The following RPH3AL variants were observed in gnomAD, a reference collection of about 807,000 sequenced individuals.
RPH3AL encodes the protein rabphilin 3A like (without C2 domains), also known as rab effector Noc2.
RPH3AL carries 38 observed loss-of-function variants against 43.1 expected under a neutral mutation model. The ratio of observed to expected loss-of-function variants is 0.88; its 90% CI spans 0.68 to 1.15. RPH3AL has a LOEUF of 1.15. Ranked by LOEUF, RPH3AL falls within the 50% of genes most tolerant of loss-of-function variation. The pLI is 0.00. For missense variants in RPH3AL, 462 were observed against 423.2 expected (o/e 1.09, Z -0.81); for synonymous variants, 189 against 176.3 (o/e 1.07, Z -0.57).
intron 5 of RPH3AL, among the ~76,000 whole-genome samples, chr17:315,658 ACCTCCACTGACCTGTAGTCCCTGT>A (rs2044029466): frequency 6.7e-6 from 1 of 148,428 alleles, no homozygotes; most frequent in Non-Finnish European, 1.5e-5. Context: ...CCTGTGCTCC[ACCTCCACTGACCTGTAGTCCCTGT>A]GACCCCACCT....
At chr17:253,781 G>A (rs1555543641) in intron 6 of RPH3AL, among the ~76,000 whole-genome samples, 9 of 104,378 alleles carry the variant, frequency 8.6e-5, no homozygotes, top group Non-Finnish European at 1.4e-4. Context: ...GGAGCCGCAC[G>A]GCGTCTGTCC....
At chr17:310,888 G>C (rs375401755) in intron 5 of RPH3AL, among the ~76,000 whole-genome samples, 1 of 152,128 alleles carries the variant, frequency 6.6e-6, no homozygotes, top group Non-Finnish European at 1.5e-5. Flanking sequence ...CCAGCGACTC[G>C]GGTTCTAGGC....
At chr17:320,881 C>A (rs1011914228) in intron 4 of RPH3AL, among the ~76,000 whole-genome samples, 1 of 152,242 alleles carries the variant, frequency 6.6e-6, no homozygotes, top group Non-Finnish European at 1.5e-5. Context: ...AGGCGGGGAG[C>A]GGCTCCTGCT....
At chr17:267,569 C>A (rs1211737562) in intron 6 of RPH3AL, among the ~76,000 whole-genome samples, 1 of 152,206 alleles carries the variant, frequency 6.6e-6, no homozygotes, top group African/African-American at 2.4e-5. Flanking sequence ...TGGGCTGACC[C>A]CAATCGGCAG....
rs953560623 is a variant in RPH3AL, at chr17:246,578, G to A, written c.613+533C>T. On this transcript the variant is annotated intron_variant, in intron 7 of 9. Coordinates refer to ENST00000331302, the MANE Select transcript of RPH3AL (RefSeq NM_006987.4). This position sits in a 1 kb window ranked among gnomAD's most constrained non-coding sequence, Gnocchi z 4.8. Reference sequence around the variant, plus strand: ...TGCGGAGAACGGTCCACAACCAGGCGCCCCCATCGTTGCCAAGTGGGGCGG... The same window carrying A: ...TGCGGAGAACGGTCCACAACCAGGCACCCCCATCGTTGCCAAGTGGGGCGG... Among the ~76,000 whole-genome samples, 4 of 151,880 alleles carry A rather than the reference G, an allele frequency of 2.6e-5. No homozygotes were observed. Among genetic ancestry groups the A allele is most frequent in the African/African-American group, 7.3e-5 (3 of 41,350 alleles).
chr17:271,157 C>T (rs772363560), intron 6 of RPH3AL, among the ~76,000 whole-genome samples: 1 of 152,166 alleles, frequency 6.6e-6, no homozygotes, highest in Non-Finnish European at 1.5e-5. Flanking sequence ...GTACCAGTAC[C>T]ATGCTGTTTT....
rs1426090409 is a variant in RPH3AL at position 327,566 on chromosome 17, G to A, written c.-23C>T. The stretch of plus-strand genomic sequence containing the variant: ...CATGGCTCGGAGCACCCGGCTGGGG[G>A]TGGGGAGTCACATCTGAGATGAAGG... On this transcript the variant is annotated 5_prime_UTR_variant, in exon 3 of 10. Transcript: ENST00000331302. 6.2e-7 allele frequency: 1 copy of A among 1,611,498 alleles called. No homozygotes were observed. Among genetic ancestry groups the A allele is most frequent in the South Asian group, 1.1e-5 (1 of 91,042 alleles).
At chr17:243,873 C>G (rs1032764087) in intron 7 of RPH3AL, among the ~76,000 whole-genome samples, 24 of 150,018 alleles carry the variant, frequency 1.6e-4, no homozygotes, top group Non-Finnish European at 2.7e-4. Context: ...ACTGATTACA[C>G]TTCCTCTACT....
chr17:236,033 T>TAC lies in RPH3AL; in HGVS notation c.613+11076_613+11077dup, dbSNP rs1567571984. ...AAAGCTGGGGTCGGCGGTGGCTCCG[T>TAC]ACTAACAAGACGGGGGTCCCAGGTT... On this transcript the variant is annotated intron_variant, in intron 7 of 9. Transcript: ENST00000331302. Among the ~76,000 whole-genome samples, 177 of 113,376 alleles carry TAC rather than the reference T, an allele frequency of 1.6e-3. 1 individual carries two copies. Among genetic ancestry groups the TAC allele is most frequent in the Middle Eastern group, 4.8e-3 (1 of 210 alleles). The allele number at this position is 113,376 out of a possible 152,430, so 74.4% of individuals were successfully genotyped here.
intron 7 of RPH3AL, among the ~76,000 whole-genome samples, chr17:227,880 A>C (rs1389468509): frequency 1.3e-5 from 2 of 152,150 alleles, no homozygotes; most frequent in Non-Finnish European, 2.9e-5. Context: ...CTAAAAACAA[A>C]AAAAAAATTC....
intron 6 of RPH3AL, among the ~76,000 whole-genome samples, chr17:258,755 CCG>C (rs782787650): frequency 0.13 from 16,416 of 126,922 alleles, 1,396 homozygotes; most frequent in Non-Finnish European, 0.14. Flanking sequence ...GATAGTCAAC[CCG>C]TTTTTTTTTT....
chr17:258,762 T>TG (rs1423496436), intron 6 of RPH3AL, among the ~76,000 whole-genome samples: 311 of 149,520 alleles, frequency 2.1e-3, no homozygotes, highest in African/African-American at 7.3e-3. Context: ...AACCCGTTTT[T>TG]TTTTTTTTTT....
chr17:282,535 A>G (rs990047724), intron 5 of RPH3AL, among the ~76,000 whole-genome samples: 1 of 152,218 alleles, frequency 6.6e-6, no homozygotes, highest in African/African-American at 2.4e-5. Flanking sequence ...GTGCTGGGCC[A>G]TCGAAGACCC....
chr17:272,510 A>C (rs1348815808), intron 6 of RPH3AL, among the ~76,000 whole-genome samples: 1 of 150,376 alleles, frequency 6.6e-6, no homozygotes, highest in African/African-American at 2.4e-5. Context: ...CAAGGACAGA[A>C]AACCAAACAC....
At chr17:253,543 T>C (rs955881763) in intron 6 of RPH3AL, among the ~76,000 whole-genome samples, 1 of 152,146 alleles carries the variant, frequency 6.6e-6, no homozygotes, top group Admixed American at 6.5e-5. Flanking sequence ...AAAGTATTCA[T>C]AACATCAAAC....
At chr17:318,377 GT>G (rs2044360420) in intron 5 of RPH3AL, among the ~76,000 whole-genome samples, 1 of 152,126 alleles carries the variant, frequency 6.6e-6, no homozygotes, top group Non-Finnish European at 1.5e-5. Context: ...GCAAGACTCC[GT>G]CTCTGGGGGT....
chr17:243,922 TTCC>T (rs900195138), intron 7 of RPH3AL, among the ~76,000 whole-genome samples: 4 of 149,488 alleles, frequency 2.7e-5, no homozygotes, highest in African/African-American at 9.9e-5. Context: ...ATTGATTACC[TTCC>T]TCTACTGATT....
intron 7 of RPH3AL, among the ~76,000 whole-genome samples, chr17:228,333 G>C (rs957361361): frequency 5.3e-5 from 8 of 152,086 alleles, no homozygotes; most frequent in Non-Finnish European, 1.2e-4. Context: ...GTGAGTGCCC[G>C]GCCCTGGAGC....
chr17:324,199 C>A (rs908516183), intron 3 of RPH3AL, among the ~76,000 whole-genome samples: 2 of 152,220 alleles, frequency 1.3e-5, no homozygotes, highest in Non-Finnish European at 2.9e-5. Context: ...CTGCCGAGTT[C>A]GTATCCAGCA....
Sources: gnomAD v4.1 joint callset for allele counts (sites outside exome capture counted in the v4.1 genomes callset) on GRCh38, gnomAD v4.1.1 for gene constraint, Gnocchi (gnomAD v3.1) non-coding constraint, MANE v1.5 for transcripts, NCBI Gene and HGNC (gene_info 2026-07-23, HGNC 2026-07-21) for gene names.